The following MRPL3 variants were observed in gnomAD, a reference collection of about 807,000 sequenced individuals.
MRPL3 encodes the protein large ribosomal subunit protein uL3m.
MRPL3 carries 43 observed loss-of-function variants against 44.3 expected under a neutral mutation model. The ratio of observed to expected loss-of-function variants is 0.97; its 90% CI spans 0.76 to 1.25. The LOEUF (loss-of-function observed/expected upper bound fraction) is 1.25. MRPL3 is among the 50% of genes most tolerant of loss of function. MRPL3 has a pLI of 0.00. For missense variants in MRPL3, 406 were observed against 427.6 expected (o/e 0.95, Z 0.45); for synonymous variants, 171 against 152.3 (o/e 1.12, Z -0.91).
chr3:131,502,745 A>T lies in MRPL3; in HGVS notation c.77T>A (p.Leu26Gln). 6.2e-7 allele frequency: 1 copy of T among 1,610,676 alleles called. No individual in the cohort carries two copies. ...GRLGDGLGAA[L>Q]GPGNRTHIWL... ...ACCTTCCTACCTGTTCCCCGGGCCC[A>T]GGGCAGCACCCAGGCCGTCCCCGAG... The change falls in exon 1 of 10, where the codon CTG becomes CAG. Residue 26 changes from leucine to glutamine, a missense_variant. By Grantham distance (113) the Leu-to-Gln change is moderately radical (BLOSUM62 -2). Transcript: ENST00000264995.
chr3:131,486,364 CAAAAAAAAAAAAAA>C (rs36151946), intron 6 of MRPL3, among the ~76,000 whole-genome samples: 1 of 46,690 alleles, frequency 2.1e-5, no homozygotes, highest in Non-Finnish European at 3.5e-5. Flanking sequence ...TTCTGCACGG[CAAAAAAAAAAAAAA>C]AAAAAAAAAA....
chr3:131,464,523 T>C (rs1169546062), intron 9 of MRPL3, among the ~76,000 whole-genome samples: 2 of 152,118 alleles, frequency 1.3e-5, no homozygotes, highest in Non-Finnish European at 2.9e-5. Context: ...ATTCTTTTTA[T>C]GTCTATCAGC....
chr3:131,490,699 ACC>A (rs1934237435), intron 4 of MRPL3, among the ~76,000 whole-genome samples: 1 of 152,220 alleles, frequency 6.6e-6, no homozygotes, highest in Admixed American at 6.5e-5. Context: ...AATTGTCTAT[ACC>A]AGCACTAATA....
At chr3:131,480,728 A>G (rs1933964642) in intron 6 of MRPL3, among the ~76,000 whole-genome samples, 1 of 152,198 alleles carries the variant, frequency 6.6e-6, no homozygotes, top group African/African-American at 2.4e-5. Context: ...AAAGGACACA[A>G]ATTTTCTGAA....
chr3:131,495,756 T>C (rs1020192055), intron 4 of MRPL3, among the ~76,000 whole-genome samples: 10 of 152,192 alleles, frequency 6.6e-5, no homozygotes, highest in African/African-American at 2.2e-4. Context: ...TCTTTATCAC[T>C]AAGTAAAATA....
chr3:131,483,574 T>C (rs1334970823), intron 6 of MRPL3, among the ~76,000 whole-genome samples: 1 of 152,198 alleles, frequency 6.6e-6, no homozygotes, highest in Non-Finnish European at 1.5e-5. Flanking sequence ...CCTATTTATC[T>C]AGAGAATTAT....
chr3:131,483,746 T>C (rs1359220856), intron 6 of MRPL3, among the ~76,000 whole-genome samples: 2 of 152,218 alleles, frequency 1.3e-5, no homozygotes, highest in South Asian at 2.1e-4. Context: ...GCAGACAATT[T>C]CATTCCTGAG....
chr3:131,463,029 TG>T (rs1276622439), intron 9 of MRPL3, among the ~76,000 whole-genome samples, 154 bp from the exon 10 acceptor site: 6 of 152,210 alleles, frequency 3.9e-5, no homozygotes, highest in African/African-American at 1.4e-4. Context: ...ACTCAGTCAA[TG>T]CTTTCCTTTA....
rs753177607 is a variant in MRPL3, at chr3:131,462,878, G to A, written c.895-3C>T. ...GCAGGCAGTTTAGAATCTTTGACCT[G>A]AGAGAAGGCAAAAATCTTAGTGAAA... On this transcript the variant is annotated splice_polypyrimidine_tract_variant and splice_region_variant and intron_variant, in intron 9 of 9. Coordinates refer to ENST00000264995, the MANE Select transcript of MRPL3 (RefSeq NM_007208.4). The A allele has an allele frequency of 1.9e-6, 3 of 1,602,082 alleles. No homozygotes were observed. The highest frequency in any genetic ancestry group is 2.6e-6 in the Non-Finnish European group (3 of 1,172,982).
In MRPL3 at chr3:131,501,533, G is replaced by A. The variant is rs1416225487; in HGVS notation, c.275C>T (p.Pro92Leu). 1 of 1,609,460 alleles carries A rather than the reference G, an allele frequency of 6.2e-7. No individual in the cohort carries two copies. Among genetic ancestry groups the A allele is most frequent in the South Asian group, 1.1e-5 (1 of 90,528 alleles). The part of the protein sequence containing the change: ...DEPWPIHPWE[P>L]GSFRVGLIAL... ...CTCATCAAATACAAAATAATCACCT[G>A]GTTCCCAAGGATGTATAGGCCATGG... Residue 92 changes from proline (P) to leucine (L), a missense_variant and splice_region_variant, in exon 2 of 10, where the codon CCA becomes CTA. Coordinates refer to ENST00000264995, the MANE Select transcript of MRPL3 (RefSeq NM_007208.4).
At chr3:131,465,535 T>C (rs1180989232) in intron 9 of MRPL3, among the ~76,000 whole-genome samples, 1 of 152,188 alleles carries the variant, frequency 6.6e-6, no homozygotes, top group Non-Finnish European at 1.5e-5. Context: ...AAAACCAGCC[T>C]AGAATCATGT....
rs754078829 is a variant in MRPL3 at position 131,502,817 on chromosome 3, G to C, written c.5C>G (p.Pro2Arg). The C allele has an allele frequency of 3.1e-6, 5 of 1,611,930 alleles. No individual in the cohort carries two copies. The South Asian group carries it at 4.4e-5, about 14-fold the overall frequency. Residue 2 changes from proline to arginine, a missense_variant, in exon 1 of 10, where the codon CCG (proline) becomes CGG (arginine). By Grantham distance (103) the Pro-to-Arg change is moderately radical (BLOSUM62 -2). Transcript: ENST00000264995. ...GACCTGCGTCAGCAGCCTCCAACCCGGCATGGATTAGCCCGGGAAGACTCG... is the reference window on the plus strand; with the variant it reads ...GACCTGCGTCAGCAGCCTCCAACCCCGCATGGATTAGCCCGGGAAGACTCG... The part of the protein sequence containing the change: M[P>R]GWRLLTQVGA...
intron 6 of MRPL3, among the ~76,000 whole-genome samples, chr3:131,472,686 T>G (rs1400866642): frequency 6.6e-6 from 1 of 151,960 alleles, no homozygotes. Context: ...AATCCTAGAC[T>G]CCACCAAAAA....
rs1338869230 is a variant in MRPL3, at chr3:131,498,216, G to A, written c.431C>T (p.Thr144Ile). ...SKENCNGKMA[T>I]LSVGGKTVSR... Reference sequence around the variant, plus strand: ...TACAGTTTTTCCTCCTACAGACAGGGTTGCCATTTTTCCATTACAGTTTTC... The same window carrying A: ...TACAGTTTTTCCTCCTACAGACAGGATTGCCATTTTTCCATTACAGTTTTC... Residue 144 changes from threonine (T) to isoleucine (I), a missense_variant, in exon 4 of 10, where the codon ACC (threonine) becomes ATC (isoleucine). Transcript: ENST00000264995. 1.2e-6 allele frequency: 2 copies of A among 1,612,200 alleles called. No individual in the cohort carries two copies. The highest frequency in any genetic ancestry group is 3.3e-5 in the Admixed American group (2 of 60,002).
chr3:131,494,903 C>A (rs935496759), intron 4 of MRPL3, among the ~76,000 whole-genome samples: 1 of 152,150 alleles, frequency 6.6e-6, no homozygotes, highest in Non-Finnish European at 1.5e-5. Context: ...AGGTTGCATT[C>A]TTTTCCCCCA....
At chr3:131,474,366 G>A (rs1933807030) in intron 6 of MRPL3, among the ~76,000 whole-genome samples, 1 of 152,176 alleles carries the variant, frequency 6.6e-6, no homozygotes, top group African/African-American at 2.4e-5. Flanking sequence ...AGTAGAGAGT[G>A]CAACAGTGAT....
At chr3:131,482,966 T>C (rs1934023854) in intron 6 of MRPL3, among the ~76,000 whole-genome samples, 1 of 148,672 alleles carries the variant, frequency 6.7e-6, no homozygotes, top group African/African-American at 2.5e-5. Context: ...TTCTTTTTAT[T>C]TGTTCTTTGT....
At chr3:131,489,152 T>C (rs1934192973) in intron 5 of MRPL3, among the ~76,000 whole-genome samples, 2 of 152,162 alleles carry the variant, frequency 1.3e-5, no homozygotes, top group Admixed American at 1.3e-4. Context: ...ATTTTAGAAC[T>C]ATCCCTTTAT....
In MRPL3 at chr3:131,471,241, C is replaced by T; in HGVS notation, c.668G>A (p.Gly223Glu). 1 of 1,613,368 alleles carries T rather than the reference C, an allele frequency of 6.2e-7. No homozygotes were observed. The highest frequency in any genetic ancestry group is 1.1e-5 in the South Asian group (1 of 91,062). The change falls in exon 7 of 10, where the codon GGA (glycine) becomes GAA (glutamate). Residue 223 changes from glycine to glutamate, a missense_variant. Coordinates refer to ENST00000264995, the MANE Select transcript of MRPL3 (RefSeq NM_007208.4). ...KGFQGVMKRW[G>E]FKGQPATHGQ... ...ATGCGTAGCAGGCTGGCCTTTAAAT[C>T]CCCATCTTTTCATGACACCTTGAAA... is the stretch of plus-strand genomic sequence containing the variant.
Sources: gnomAD v4.1 joint callset for allele counts (sites outside exome capture counted in the v4.1 genomes callset) on GRCh38, gnomAD v4.1.1 for gene constraint, MANE v1.5 for transcripts, NCBI Gene and HGNC (gene_info 2026-07-23, HGNC 2026-07-21) for gene names.